The following MR1 variants were observed in gnomAD, a reference collection of about 807,000 sequenced individuals.
MR1 encodes major histocompatibility complex class I-related protein 1.
A neutral mutation model predicts 37.8 loss-of-function variants in MR1; 44 were observed. The ratio of observed to expected loss-of-function variants is 1.16; its 90% CI spans 0.91 to 1.50. MR1 has a LOEUF of 1.50. Ranked by LOEUF, MR1 falls within the 40% of genes most tolerant of loss-of-function variation. The probability of loss-of-function intolerance (pLI) is 0.00; values close to 1 mark genes in which losing one functional copy is unlikely to be tolerated. For synonymous variants in MR1, 153 were observed against 155.8 expected (o/e 0.98, Z 0.13); for missense variants, 386 against 419.1 (o/e 0.92, Z 0.69).
Position 181,046,580 on chromosome 1 carries a change from C to G in MR1, c.68-2472C>G, listed in dbSNP as rs11812049. On this transcript the variant is annotated intron_variant, in intron 1 of 5. Transcript: ENST00000367580. ...CAATCAGTGCCCTGTCAAAACAGAC[C>G]ACTGGGCTCTACCAATCAGCAGGAT... is the stretch of plus-strand genomic sequence containing the variant. Among the ~76,000 whole-genome samples, 682 of 152,224 alleles carry G rather than the reference C, an allele frequency of 4.5e-3. 5 individuals carry two copies. The highest frequency in any genetic ancestry group is 0.015 in the African/African-American group (605 of 41,540).
Position 181,052,274 on chromosome 1 carries a change from C to T in MR1, c.644C>T (p.Pro215Leu), listed in dbSNP as rs567682945. The change falls in exon 4 of 6, where the codon CCA becomes CTA. Residue 215 changes from proline to leucine, a missense_variant. Physicochemically the swap from Pro to Leu is moderately conservative, Grantham distance 98. Transcript: ENST00000367580. ...LVRVNRKETFPGVTALFCKAH... is the reference protein window; with the variant it reads ...LVRVNRKETFLGVTALFCKAH... ...AGAGTAAATCGCAAAGAAACTTTTC[C>T]AGGGGTTACAGCTCTCTTCTGCAAA... The T allele has an allele frequency of 1.9e-6, 3 of 1,614,160 alleles. No homozygotes were observed. Among genetic ancestry groups the T allele is most frequent in the Non-Finnish European group, 1.7e-6 (2 of 1,180,024 alleles).
rs371468877 is a variant in MR1, at chr1:181,050,216, G to T, written c.534G>T (p.Trp178Cys). ...NQHELLYQKN[W>C]LEEECIAWLK... ...ATGAGTTGCTGTATCAAAAGAATTG[G>T]CTGGAAGAAGAATGTATTGCCTGGC... Residue 178 changes from tryptophan (W) to cysteine (C), a missense_variant, in exon 3 of 6, where the codon TGG becomes TGT. By Grantham distance (215) the Trp-to-Cys change is radical. Transcript: ENST00000367580. 1.1e-5 allele frequency: 18 copies of T among 1,614,116 alleles called. No homozygotes were observed. Among genetic ancestry groups the T allele is most frequent in the Non-Finnish European group, 1.4e-5 (16 of 1,180,042 alleles).
chr1:181,061,233 C>T lies in MR1; in HGVS notation c.*5968C>T, dbSNP rs1658886486. 6.6e-6 allele frequency: 1 copy of T among 152,256 alleles called. No individual in the cohort carries two copies. Among genetic ancestry groups the T allele is most frequent in the African/African-American group, 2.4e-5 (1 of 41,470 alleles). The allele number at this position is 152,256 out of a possible 1,614,324, so 9.4% of individuals were successfully genotyped here. A position where few individuals can be genotyped will look rare whatever the true frequency, so the allele number is the denominator to read the frequency against. On this transcript the variant is annotated 3_prime_UTR_variant, in exon 6 of 6. Coordinates refer to ENST00000367580, the MANE Select transcript of MR1 (RefSeq NM_001385161.1). ...GTTCTGTTTCTGGTTTGTGAACCAACTGAAGACATAAGCAGGGCCTCAGCT... is the reference window on the plus strand; with the variant it reads ...GTTCTGTTTCTGGTTTGTGAACCAATTGAAGACATAAGCAGGGCCTCAGCT...
chr1:181,036,088 T>G (rs1224194071), intron 1 of MR1, among the ~76,000 whole-genome samples: 2 of 152,144 alleles, frequency 1.3e-5, no homozygotes, highest in Non-Finnish European at 2.9e-5. Flanking sequence ...AAAGAGAGGC[T>G]GGGATACATC....
In MR1 at chr1:181,059,964, G is replaced by C. The variant is rs1658827104; in HGVS notation, c.*4699G>C. 6.6e-6 allele frequency: 1 copy of C among 152,192 alleles called. No homozygotes were observed. The allele number at this position is 152,192 out of a possible 1,614,324, so 9.4% of individuals were successfully genotyped here. A position where few individuals can be genotyped will look rare whatever the true frequency, so the allele number is the denominator to read the frequency against. ...CTCCATCGTCTCCCCGTTCCACCTT[G>C]TACTGGTTTCCAAGGGTAGTCGTTT... On this transcript the variant is annotated 3_prime_UTR_variant, in exon 6 of 6. Transcript: ENST00000367580.
chr1:181,048,395 CGTG>C (rs1658044736), intron 1 of MR1, among the ~76,000 whole-genome samples: 1 of 151,662 alleles, frequency 6.6e-6, no homozygotes, highest in African/African-American at 2.4e-5. Context: ...ATTAGCCAGG[CGTG>C]GTGGTGTGTG....
intron 1 of MR1, among the ~76,000 whole-genome samples, chr1:181,036,541 C>T (rs111710904): frequency 4.6e-5 from 7 of 152,230 alleles, no homozygotes; most frequent in Non-Finnish European, 7.4e-5. Context: ...TGGGGAAACA[C>T]GGGGAAGAGA....
chr1:181,055,276 C>A lies in MR1; in HGVS notation c.*11C>A, dbSNP rs779978179. 7 of 1,610,856 alleles carry A rather than the reference C, an allele frequency of 4.3e-6. No homozygotes were observed. The highest frequency in any genetic ancestry group is 1.7e-4 in the Middle Eastern group (1 of 6,060). On this transcript the variant is annotated 3_prime_UTR_variant, in exon 6 of 6. Coordinates refer to ENST00000367580, the MANE Select transcript of MR1 (RefSeq NM_001385161.1). ...ACACCAGATCGATGATTGCAGATCCCTCTTTTCCAGTTCTCCTTCCTCTAG... is the reference window on the plus strand; with the variant it reads ...ACACCAGATCGATGATTGCAGATCCATCTTTTCCAGTTCTCCTTCCTCTAG...
rs764883317 is a variant in MR1, at chr1:181,055,208, A to G, written c.986-17A>G. The G allele has an allele frequency of 6.2e-7, 1 of 1,612,968 alleles. No homozygotes were observed. Among genetic ancestry groups the G allele is most frequent in the Non-Finnish European group, 8.5e-7 (1 of 1,178,990 alleles). On this transcript the variant is annotated splice_polypyrimidine_tract_variant and intron_variant, in intron 5 of 5. Coordinates refer to ENST00000367580, the MANE Select transcript of MR1 (RefSeq NM_001385161.1). Reference sequence around the variant, plus strand: ...GAAACATTCTTGTAATCTGACTAAAAACCCCTTTCCTTTCAGAGCAAAATG... The same window carrying G: ...GAAACATTCTTGTAATCTGACTAAAGACCCCTTTCCTTTCAGAGCAAAATG...
At chr1:181,036,548 G>C (rs1296905683) in intron 1 of MR1, among the ~76,000 whole-genome samples, 1 of 152,180 alleles carries the variant, frequency 6.6e-6, no homozygotes, top group African/African-American at 2.4e-5. Context: ...ACACGGGGAA[G>C]AGATACTGCA....
At chr1:181,046,227 G>A (rs1657858586) in intron 1 of MR1, among the ~76,000 whole-genome samples, 1 of 152,260 alleles carries the variant, frequency 6.6e-6, no homozygotes, top group African/African-American at 2.4e-5. Flanking sequence ...CACGGCGCGG[G>A]AATGGCAGGC....
chr1:181,045,415 G>A (rs1369073218), intron 1 of MR1, among the ~76,000 whole-genome samples: 1 of 151,954 alleles, frequency 6.6e-6, no homozygotes, highest in Non-Finnish European at 1.5e-5. Flanking sequence ...CTCTGCCCGT[G>A]ACGCCTGTCA....
intron 4 of MR1, 99 bp from the exon 5 acceptor site, chr1:181,053,474 G>C (rs1028257568): frequency 1.3e-6 from 1 of 794,630 alleles, no homozygotes; most frequent in East Asian, 2.5e-5. Context: ...AAGGAAAATG[G>C]TGTTGGGTTT....
chr1:181,052,633 G>C (rs1005784862), intron 4 of MR1, 123 bp downstream of exon 4: 1 of 1,083,116 alleles, frequency 9.2e-7, no homozygotes, highest in Non-Finnish European at 1.3e-6. Flanking sequence ...CTTAGAATGG[G>C]TCTTTTAAAT....
chr1:181,043,892 T>C (rs1657705675), intron 1 of MR1, among the ~76,000 whole-genome samples: 2 of 150,634 alleles, frequency 1.3e-5, no homozygotes, highest in African/African-American at 4.9e-5. Context: ...AAAAGAAAAA[T>C]ATAAACAAAC....
upstream of MR1, chr1:181,033,795 A>C (rs1025023327): frequency 8.2e-6 from 4 of 485,162 alleles, no homozygotes; most frequent in Non-Finnish European, 1.5e-5. Flanking sequence ...AGATACACCA[A>C]AAGGAGCAAG....
At chr1:181,035,792 G>T (rs1657238842) in intron 1 of MR1, among the ~76,000 whole-genome samples, 1 of 152,166 alleles carries the variant, frequency 6.6e-6, no homozygotes, top group Non-Finnish European at 1.5e-5. Flanking sequence ...CTGGCCCTCG[G>T]TCCAGGGCTG....
chr1:181,055,151 G>T, intron 5 of MR1, 74 bp from the exon 6 acceptor site: 2 of 1,423,092 alleles, frequency 1.4e-6, no homozygotes, highest in Non-Finnish European at 2.0e-6. Context: ...AGATTTTGCT[G>T]AACACTGCAT....
chr1:181,046,705 C>T (rs990457822), intron 1 of MR1, among the ~76,000 whole-genome samples: 3 of 152,152 alleles, frequency 2.0e-5, no homozygotes, highest in South Asian at 2.1e-4. Flanking sequence ...TGTTGTTTCG[C>T]TCTTTGCAAT....
Sources: gnomAD v4.1 joint callset for allele counts (sites outside exome capture counted in the v4.1 genomes callset) on GRCh38, gnomAD v4.1.1 for gene constraint, MANE v1.5 for transcripts, NCBI Gene and HGNC (gene_info 2026-07-23, HGNC 2026-07-21) for gene names.